The following PTPRS variants were observed in gnomAD, a reference collection of about 807,000 sequenced individuals.
PTPRS encodes the protein receptor-type tyrosine-protein phosphatase S.
In PTPRS, 63 loss-of-function variants were observed where a neutral mutation model predicts 215.3. That is an observed-to-expected ratio of 0.29 (90% CI 0.24 to 0.36). The LOEUF is 0.36. Among genes scored for constraint, PTPRS ranks in the 10% least tolerant of loss-of-function variants. The pLI is 1.00. For missense variants in PTPRS, 2,258 were observed against 2,825.8 expected, an observed-to-expected ratio of 0.80 and a Z score of 4.56; for synonymous variants, 1,404 against 1,191.4, an observed-to-expected ratio of 1.18 and a Z score of -3.68.
intron 19 of PTPRS, 103 bp from the exon 20 acceptor site, chr19:5,221,356 C>A: frequency 6.9e-7 from 1 of 1,445,372 alleles, no homozygotes; most frequent in Non-Finnish European, 9.3e-7. Flanking sequence ...CCTGATCCCA[C>A]TGAATCCTGC....
chr19:5,296,566 CAGG>C (rs146542686), intron 1 of PTPRS, among the ~76,000 whole-genome samples: 6,203 of 151,966 alleles, frequency 0.041, 275 homozygotes, highest in East Asian at 0.16. Flanking sequence ...GAACAAAGAC[CAGG>C]AGAAGGTGAG....
intron 1 of PTPRS, among the ~76,000 whole-genome samples, chr19:5,298,761 G>C (rs1308159916): frequency 6.6e-6 from 1 of 152,230 alleles, no homozygotes; most frequent in East Asian, 1.9e-4. Flanking sequence ...CCGCAGGCCA[G>C]GCTACCTTCC....
rs995458815 is a variant in PTPRS at position 5,237,712 on chromosome 19, C to T, written c.1849+1207G>A. Among the ~76,000 whole-genome samples, 1 of 152,180 alleles carries T rather than the reference C, an allele frequency of 6.6e-6. No homozygotes were observed. Among genetic ancestry groups the T allele is most frequent in the Non-Finnish European group, 1.5e-5 (1 of 68,030 alleles). ...GTACTCACCTTCAGGACACCTCAGCCAGTCTCTCAGGTGGCTGCCCAAGCC... is the reference window on the plus strand; with the variant it reads ...GTACTCACCTTCAGGACACCTCAGCTAGTCTCTCAGGTGGCTGCCCAAGCC... On this transcript the variant is annotated intron_variant, in intron 13 of 37. Transcript: ENST00000262963. This position sits in a 1 kb window ranked among gnomAD's most constrained non-coding sequence, Gnocchi z 4.2.
In PTPRS at chr19:5,229,561, T is replaced by A. The variant is rs1027605608; in HGVS notation, c.2279A>T (p.Tyr760Phe). The change falls in exon 15 of 38, where the codon TAC becomes TTC. Residue 760 changes from tyrosine to phenylalanine, a missense_variant. Coordinates refer to ENST00000262963, the MANE Select transcript of PTPRS (RefSeq NM_002850.4). ...GGCCTCGGCGCCCTCCATGCGCACG[T>A]AGTGGACCTGGTAGCCGCGGATCTG... is the stretch of plus-strand genomic sequence containing the variant. ...HGQIRGYQVHYVRMEGAEARG... is the reference protein window; with the variant it reads ...HGQIRGYQVHFVRMEGAEARG... 3 of 1,460,756 alleles carry A rather than the reference T, an allele frequency of 2.1e-6. No individual in the cohort carries two copies. The African/African-American group carries it at 4.5e-5, about 22-fold the overall frequency. The allele number at this position is 1,460,756 out of a possible 1,614,324, so 90.5% of individuals were successfully genotyped here.
chr19:5,274,126 C>T (rs1436019064), intron 3 of PTPRS, 73 bp downstream of exon 3: 1 of 1,548,448 alleles, frequency 6.5e-7, no homozygotes, highest in Non-Finnish European at 8.8e-7. Context: ...ACGAAGTCCA[C>T]TGTGGCTGAG....
chr19:5,321,426 T>C (rs1600119657), intron 1 of PTPRS, among the ~76,000 whole-genome samples: 1 of 152,326 alleles, frequency 6.6e-6, no homozygotes, highest in East Asian at 1.9e-4. Flanking sequence ...TGAGGAAAAC[T>C]GAGTCCCTCA....
At chr19:5,222,464 G>A (rs576629298) in intron 18 of PTPRS, among the ~76,000 whole-genome samples, 214 of 151,552 alleles carry the variant, frequency 1.4e-3, no homozygotes, top group African/African-American at 4.8e-3. Context: ...GGAGGAAGAG[G>A]GGGGAGGGGA....
At position 5,258,023 on chromosome 19, in the gene PTPRS, C is replaced by T. The variant is rs1435990354; in HGVS notation, c.700G>A (p.Val234Met). 2 of 1,613,314 alleles carry T rather than the reference C, an allele frequency of 1.2e-6. No homozygotes were observed. The highest frequency in any genetic ancestry group is 1.7e-6 in the Non-Finnish European group (2 of 1,179,414). ...VRYSSPANLY[V>M]RELREVRRVA... Reference sequence around the variant, plus strand: ...TGGACGCGGCGTTCCCTACCTCGCACGTAGAGGTTGGCAGGTGAGGAGTAG... The same window carrying T: ...TGGACGCGGCGTTCCCTACCTCGCATGTAGAGGTTGGCAGGTGAGGAGTAG... The change falls in exon 8 of 38, where the codon GTG (valine) becomes ATG (methionine). Residue 234 changes from valine to methionine, a missense_variant. By Grantham distance (21) the Val-to-Met change is conservative. Around this residue, in one of 6 missense-constraint regions of PTPRS, gnomAD observed 508 missense variants for 799.4 expected, o/e 0.64. Transcript: ENST00000262963.
At chr19:5,224,040 G>A (rs1364657486) in intron 17 of PTPRS, among the ~76,000 whole-genome samples, 2 of 152,146 alleles carry the variant, frequency 1.3e-5, no homozygotes, top group East Asian at 3.9e-4. Flanking sequence ...TGAGCCGGGG[G>A]TGGTGGTGCA....
intron 6 of PTPRS, among the ~76,000 whole-genome samples, chr19:5,262,400 G>T (rs2046070237): frequency 6.6e-6 from 1 of 152,210 alleles, no homozygotes; most frequent in South Asian, 2.1e-4. Flanking sequence ...GGGACTGATA[G>T]CATAGGCTGA....
In PTPRS at chr19:5,214,402, C is replaced by T. The variant is rs769320080; in HGVS notation, c.4573G>A (p.Glu1525Lys). The T allele has an allele frequency of 1.9e-6, 3 of 1,614,040 alleles. No individual in the cohort carries two copies. The highest frequency in any genetic ancestry group is 1.7e-5 in the Admixed American group (1 of 60,004). ...GTCCTGACGCAGAATGTGGCCAGCTCGATGGTATCTAGCAACGTGACCTGG... is the reference window on the plus strand; with the variant it reads ...GTCCTGACGCAGAATGTGGCCAGCTTGATGGTATCTAGCAACGTGACCTGG... ...FIQVTLLDTI[E>K]LATFCVRTFS... Residue 1525 changes from glutamate (E) to lysine (K), a missense_variant, in exon 30 of 38, where the codon GAG becomes AAG. By Grantham distance (56) the Glu-to-Lys change is moderately conservative (BLOSUM62 1). This residue lies in a region of PTPRS where 927 missense variants were observed against 1,125.9 expected (regional missense o/e 0.82). Transcript: ENST00000262963.
chr19:5,316,387 T>TTTTC (rs902060028), intron 1 of PTPRS, among the ~76,000 whole-genome samples: 1 of 149,654 alleles, frequency 6.7e-6, no homozygotes, highest in Non-Finnish European at 1.5e-5. Context: ...TTGGGTTTTT[T>TTTTC]TTTCTTTCTT....
intron 2 of PTPRS, among the ~76,000 whole-genome samples, chr19:5,283,591 A>C (rs768388874): frequency 6.6e-6 from 1 of 152,094 alleles, no homozygotes; most frequent in Non-Finnish European, 1.5e-5. Context: ...AAAAAACAAA[A>C]GAAAAGAAGA....
rs2041934658 is a variant in PTPRS, at chr19:5,221,013, G to A, written c.3442C>T (p.Pro1148Ser). The change falls in exon 20 of 38, where the codon CCC (proline) becomes TCC (serine). Residue 1148 changes from proline (P) to serine (S), a missense_variant. Physicochemically the swap from Pro to Ser is moderately conservative, Grantham distance 74. Transcript: ENST00000262963. ...IMVYLPDGQS[P>S]VPVQSYFIVM... ...GGGTGAGCATACTGGACAGGCACGGGGCTCTGGCCGTCAGGAAGATACACC... is the reference window on the plus strand; with the variant it reads ...GGGTGAGCATACTGGACAGGCACGGAGCTCTGGCCGTCAGGAAGATACACC... The A allele has an allele frequency of 8.7e-6, 14 of 1,610,892 alleles. No homozygotes were observed. The highest frequency in any genetic ancestry group is 1.3e-5 in the African/African-American group (1 of 75,006).
chr19:5,222,625 G>A (rs1599462189), intron 18 of PTPRS, 64 bp downstream of exon 18: 3 of 1,431,824 alleles, frequency 2.1e-6, no homozygotes, highest in East Asian at 5.2e-5. Flanking sequence ...AGAGGGAGGG[G>A]GCTGGGGTGG....
In PTPRS at chr19:5,237,810, G is replaced by A. The variant is rs1050752758; in HGVS notation, c.1849+1109C>T. Among the ~76,000 whole-genome samples the A allele has an allele frequency of 3.3e-5, 5 of 152,144 alleles. No homozygotes were observed. The highest frequency in any genetic ancestry group is 5.9e-5 in the Non-Finnish European group (4 of 68,014). ...CTTGGAGCCGCCAGGTGCTCAGCTC[G>A]GCTTGGTTTGTGGGGAGCAGGAAGG... On this transcript the variant is annotated intron_variant, in intron 13 of 37. Transcript: ENST00000262963. This position sits in a 1 kb window ranked among gnomAD's most constrained non-coding sequence, Gnocchi z 4.2.
chr19:5,336,753 G>A (rs1015889511), intron 1 of PTPRS, among the ~76,000 whole-genome samples: 16 of 151,440 alleles, frequency 1.1e-4, no homozygotes, highest in African/African-American at 3.6e-4. Context: ...TGTCCCCACC[G>A]GAGGCTGAGC....
chr19:5,223,239 G>C lies in PTPRS; in HGVS notation c.2553C>G (p.Arg851=), dbSNP rs762146713. 6 of 1,488,580 alleles carry C rather than the reference G, an allele frequency of 4.0e-6. No homozygotes were observed. The highest frequency in any genetic ancestry group is 1.8e-4 in the Middle Eastern group (1 of 5,652). 92.2% of individuals were successfully genotyped at this position (1,488,580 alleles called of 1,614,324 possible). A position where few individuals can be genotyped will look rare whatever the true frequency, so the allele number is the denominator to read the frequency against. ...CCGCGGTGCCAGCCGGGGGCTCCCA[G>C]CGTGCCAGCAGGCTGCCCTCGGGGG... ...QQTPEGSLLA[R]WEPPAGTAED... The change falls in exon 18 of 38, where the codon CGC becomes CGG. Residue 851 remains arginine (R), a synonymous_variant. Transcript: ENST00000262963.
At chr19:5,260,483 A>G (rs1013040677) in intron 7 of PTPRS, among the ~76,000 whole-genome samples, 2 of 152,128 alleles carry the variant, frequency 1.3e-5, no homozygotes, top group South Asian at 2.1e-4. Flanking sequence ...CCCGGCCTGC[A>G]TGCTCATTTT....
Sources: allele counts gnomAD v4.1 joint callset (sites outside exome capture counted in the v4.1 genomes callset), GRCh38; gene constraint gnomAD v4.1.1; regional missense constraint gnomAD v4.1.1; non-coding constraint Gnocchi (gnomAD v3.1); transcripts MANE v1.5; gene names NCBI Gene and HGNC (gene_info 2026-07-23, HGNC 2026-07-21).